The following ZNF469 variants were observed in gnomAD, a reference collection of about 807,000 sequenced individuals.
The protein encoded by ZNF469 is zinc finger protein 469.
ZNF469 carries 1 observed loss-of-function variant against 1.0 expected under a neutral mutation model. The ratio of observed to expected loss-of-function variants is 1.00; its 90% CI spans 0.35 to 4.73. The LOEUF (loss-of-function observed/expected upper bound fraction) is 4.73, where lower values mean the gene tolerates loss of function less well. Among genes scored for constraint, ZNF469 ranks in the 30% most tolerant of loss-of-function variants. The probability of loss-of-function intolerance (pLI) is 0.16; values close to 1 mark genes in which losing one functional copy is unlikely to be tolerated. For synonymous variants in ZNF469, 2,703 were observed against 2,363.4 expected, an observed-to-expected ratio of 1.14 and a Z score of -4.17; for missense variants, 6,100 against 5,356.3, an observed-to-expected ratio of 1.14 and a Z score of -4.33.
the ZNF469 span, among the ~76,000 whole-genome samples, chr16:88,224,634 C>T: frequency 1.3e-5 from 2 of 152,336 alleles, no homozygotes; most frequent in South Asian, 2.1e-4. Flanking sequence ...GGCGTCTGGG[C>T]TGCACCTCAA....
chr16:88,151,262 C>T, the ZNF469 span, among the ~76,000 whole-genome samples: 3 of 152,230 alleles, frequency 2.0e-5, no homozygotes, highest in Non-Finnish European at 2.9e-5. The surrounding 1 kb of genome is among the most constrained non-coding windows in gnomAD (Gnocchi z 5.4). Flanking sequence ...GACTGTCAGC[C>T]GGGACGACCC....
the ZNF469 span, among the ~76,000 whole-genome samples, chr16:88,337,557 A>G: frequency 1.3e-5 from 2 of 152,244 alleles, no homozygotes; most frequent in African/African-American, 4.8e-5. Flanking sequence ...ACCTAGTGGT[A>G]CAGGGTCCCA....
chr16:88,332,889 C>T, the ZNF469 span, among the ~76,000 whole-genome samples: 3 of 152,214 alleles, frequency 2.0e-5, no homozygotes, highest in Non-Finnish European at 4.4e-5. Flanking sequence ...TGAGTCTGGG[C>T]ACTGGAGACC....
chr16:88,389,811 C>T (rs4072165), intron 1 of ZNF469, among the ~76,000 whole-genome samples: 105,236 of 151,706 alleles, frequency 0.69, 37,576 homozygotes, highest in African/African-American at 0.87. Flanking sequence ...TGAACGACAG[C>T]GCAGTCCCCC....
the ZNF469 span, among the ~76,000 whole-genome samples, chr16:88,134,292 A>G: frequency 2.6e-5 from 4 of 152,132 alleles, no homozygotes; most frequent in African/African-American, 9.7e-5. Flanking sequence ...GTTCCTTTTC[A>G]TGGCTGCACG....
the ZNF469 span, among the ~76,000 whole-genome samples, chr16:88,239,688 T>C: frequency 0.014 from 71 of 5,212 alleles, 4 homozygotes; most frequent in African/African-American, 0.06. Context: ...TATATATATA[T>C]ATATATATAT....
the ZNF469 span, among the ~76,000 whole-genome samples, chr16:88,303,006 C>G: frequency 6.6e-6 from 1 of 152,208 alleles, no homozygotes; most frequent in Admixed American, 6.5e-5. Context: ...ACTCCTGTCC[C>G]GGGTGCCAGT....
the ZNF469 span, among the ~76,000 whole-genome samples, chr16:88,359,561 C>G: frequency 3.9e-5 from 6 of 152,328 alleles, no homozygotes; most frequent in African/African-American, 1.4e-4. Context: ...CGTTGGCTAT[C>G]GGGATAGCCT....
chr16:88,238,280 G>A, the ZNF469 span, among the ~76,000 whole-genome samples: 1 of 152,232 alleles, frequency 6.6e-6, no homozygotes, highest in African/African-American at 2.4e-5. Flanking sequence ...CGTGGGAAGG[G>A]AGAGAGGAAT....
Position 88,427,795 on chromosome 16 carries a change from G to C in ZNF469, c.325G>C (p.Ala109Pro). 6.5e-7 allele frequency: 1 copy of C among 1,547,432 alleles called. No homozygotes were observed. Among genetic ancestry groups the C allele is most frequent in the Non-Finnish European group, 8.7e-7 (1 of 1,146,738 alleles). ...RSPLQAPSRL[A>P]GRAEGSPPQR... Reference sequence around the variant, plus strand: ...CCCCTTGCAGGCTCCCTCAAGGCTGGCGGGCAGGGCAGAGGGCAGCCCCCC... The same window carrying C: ...CCCCTTGCAGGCTCCCTCAAGGCTGCCGGGCAGGGCAGAGGGCAGCCCCCC... The change falls in exon 3 of 3, where the codon GCG (alanine) becomes CCG (proline). Residue 109 changes from alanine (A) to proline (P), a missense_variant. Coordinates refer to ENST00000565624, the MANE Select transcript of ZNF469 (RefSeq NM_001367624.2).
the ZNF469 span, among the ~76,000 whole-genome samples, chr16:88,125,443 G>C: frequency 6.6e-6 from 1 of 152,248 alleles, no homozygotes; most frequent in Non-Finnish European, 1.5e-5. Context: ...ATATAACTTT[G>C]AGAATCAGCA....
At chr16:88,130,247 C>A in the ZNF469 span, among the ~76,000 whole-genome samples, 3 of 152,144 alleles carry the variant, frequency 2.0e-5, no homozygotes, top group Non-Finnish European at 4.4e-5. Flanking sequence ...GGGGTCGAGG[C>A]CATCTGGGGG....
the ZNF469 span, among the ~76,000 whole-genome samples, chr16:88,214,039 G>C: frequency 6.6e-5 from 10 of 152,192 alleles, no homozygotes; most frequent in African/African-American, 2.4e-4. Context: ...GAAAGATTCA[G>C]ATTTGGGTGG....
chr16:88,249,429 C>CT, the ZNF469 span, among the ~76,000 whole-genome samples: 3 of 63,614 alleles, frequency 4.7e-5, no homozygotes, highest in Admixed American at 2.0e-4. Flanking sequence ...TTTTCTTTTT[C>CT]TTTTTTTTTT....
chr16:88,276,734 C>G, the ZNF469 span, among the ~76,000 whole-genome samples: 1 of 152,214 alleles, frequency 6.6e-6, no homozygotes, highest in East Asian at 1.9e-4. Context: ...CACGCTGACA[C>G]TCAGTCAGGA....
the ZNF469 span, among the ~76,000 whole-genome samples, chr16:88,334,762 G>A: frequency 6.6e-6 from 1 of 152,232 alleles, no homozygotes; most frequent in Non-Finnish European, 1.5e-5. Flanking sequence ...GGGAGCCTGA[G>A]ATGGGAAGAT....
chr16:88,342,542 C>T, the ZNF469 span, among the ~76,000 whole-genome samples: 2 of 152,192 alleles, frequency 1.3e-5, no homozygotes, highest in African/African-American at 4.8e-5. Flanking sequence ...TCAGGTAGGA[C>T]ATCACTGCCC....
At chr16:88,102,497 C>T in the ZNF469 span, among the ~76,000 whole-genome samples, 5 of 152,204 alleles carry the variant, frequency 3.3e-5, no homozygotes, top group South Asian at 4.1e-4. Context: ...AGTGAGACTT[C>T]GTCTCAAAAA....
At chr16:88,279,905 C>G in the ZNF469 span, among the ~76,000 whole-genome samples, 8 of 149,934 alleles carry the variant, frequency 5.3e-5, no homozygotes, top group African/African-American at 2.0e-4. Flanking sequence ...CTGCACCACG[C>G]CGACACTCGG....
Sources: allele counts gnomAD v4.1 joint callset (sites outside exome capture counted in the v4.1 genomes callset), GRCh38; gene constraint gnomAD v4.1.1; non-coding constraint Gnocchi (gnomAD v3.1); transcripts MANE v1.5; gene names NCBI Gene and HGNC (gene_info 2026-07-23, HGNC 2026-07-21).